Variants in ASB5 observed in about 807,000 individuals in gnomAD.
The protein encoded by ASB5 is ankyrin repeat and SOCS box protein 5.
Under a neutral mutation model 42.1 loss-of-function variants are expected in ASB5, and 45 were observed. That is an observed-to-expected ratio of 1.07 (90% confidence interval 0.84 to 1.37). ASB5 has a LOEUF of 1.37. Among genes scored for constraint, ASB5 ranks in the 40% most tolerant of loss-of-function variants. ASB5 has a pLI of 0.00. For synonymous variants in ASB5, 147 were observed against 150.6 expected (o/e 0.98, Z 0.18); for missense variants, 402 against 399.8 (o/e 1.01, Z -0.05).
At chr4:176,269,589 C>T (rs1020597244), upstream of ASB5, among the ~76,000 whole-genome samples, 3 of 152,082 alleles carry the variant, frequency 2.0e-5, no homozygotes, top group Non-Finnish European at 4.4e-5. Context: ...CAGTCCATGG[C>T]TTGTATTTTA....
intron 1 of ASB5, among the ~76,000 whole-genome samples, chr4:176,245,156 G>C (rs1348755501): frequency 6.6e-6 from 1 of 152,122 alleles, no homozygotes; most frequent in African/African-American, 2.4e-5. Flanking sequence ...TATTGACAAA[G>C]GGCTAATATC....
intron 1 of ASB5, among the ~76,000 whole-genome samples, chr4:176,238,874 T>C (rs546456399): frequency 2.6e-5 from 4 of 152,344 alleles, no homozygotes; most frequent in African/African-American, 9.6e-5. Flanking sequence ...TATCTTTTCC[T>C]TATCTTCAAT....
chr4:176,270,198 G>T (rs1479355322), upstream of ASB5, among the ~76,000 whole-genome samples: 7 of 152,172 alleles, frequency 4.6e-5, no homozygotes, highest in African/African-American at 1.7e-4. Flanking sequence ...ATTTCTTACA[G>T]GGAGCTTAGT....
intron 1 of ASB5, among the ~76,000 whole-genome samples, chr4:176,243,815 A>T (rs995541927): frequency 5.3e-5 from 8 of 152,100 alleles, no homozygotes; most frequent in Admixed American, 4.6e-4. Flanking sequence ...TTTTTCCCTT[A>T]AAGTCTTATT....
intron 5 of ASB5, among the ~76,000 whole-genome samples, chr4:176,219,741 A>G (rs1211050117): frequency 6.7e-6 from 1 of 150,146 alleles, no homozygotes; most frequent in Non-Finnish European, 1.5e-5. Context: ...TAATTTTTGT[A>G]TTTTTAATAG....
intron 1 of ASB5, among the ~76,000 whole-genome samples, chr4:176,240,043 G>A (rs566664119): frequency 5.9e-5 from 9 of 152,266 alleles, no homozygotes; most frequent in Admixed American, 5.9e-4. Context: ...GAGTGAACGC[G>A]TTAGGGACAG....
At position 176,216,980 on chromosome 4, in the gene ASB5, C is replaced by T. The variant is rs1752988947; in HGVS notation, c.700G>A (p.Asp234Asn). Residue 234 changes from aspartate to asparagine, a missense_variant, in exon 6 of 7, where the codon GAT (aspartate) becomes AAT (asparagine). Transcript: ENST00000296525. ...GADVQKGKYW[D>N]TPLHAAAQQS... ...TGAGCAGCAGCATGTAATGGAGTAT[C>T]CCAATATTTGCCTTTCTGTACGTCA... 2 of 1,610,348 alleles carry T rather than the reference C, an allele frequency of 1.2e-6. No homozygotes were observed. Among genetic ancestry groups the T allele is most frequent in the Non-Finnish European group, 1.7e-6 (2 of 1,178,932 alleles).
In ASB5 at chr4:176,243,652, G is replaced by A. The variant is rs566260872; in HGVS notation, c.197-18311C>T. ...TGAGTAGCTGGTATTACAGGCATGCGCCACTATGCCTGGCTAATTTTTTGT... is the reference window on the plus strand; with the variant it reads ...TGAGTAGCTGGTATTACAGGCATGCACCACTATGCCTGGCTAATTTTTTGT... On this transcript the variant is annotated intron_variant, in intron 1 of 6. Transcript: ENST00000296525. Among the ~76,000 whole-genome samples the A allele has an allele frequency of 5.3e-5, 8 of 151,918 alleles. No homozygotes were observed. The South Asian group carries it at 6.2e-4, about 12-fold the overall frequency.
chr4:176,242,965 A>G (rs1753840079), intron 1 of ASB5, among the ~76,000 whole-genome samples: 1 of 152,206 alleles, frequency 6.6e-6, no homozygotes, highest in Non-Finnish European at 1.5e-5. Flanking sequence ...TTAGCCTATC[A>G]TCTGTTTTTG....
intron 1 of ASB5, among the ~76,000 whole-genome samples, chr4:176,251,832 C>T (rs1579330188): frequency 2.6e-5 from 4 of 151,258 alleles, no homozygotes; most frequent in South Asian, 2.1e-4. Flanking sequence ...TAGGCGGAGG[C>T]GGGAGGATCA....
At chr4:176,232,263 C>A (rs1051598492) in intron 1 of ASB5, among the ~76,000 whole-genome samples, 13 of 151,864 alleles carry the variant, frequency 8.6e-5, no homozygotes, top group African/African-American at 3.1e-4. Context: ...GCTAGGATTA[C>A]AGACATGTGC....
upstream of ASB5, among the ~76,000 whole-genome samples, chr4:176,272,187 G>A (rs1754481631): frequency 6.6e-6 from 1 of 152,184 alleles, no homozygotes; most frequent in Non-Finnish European, 1.5e-5. Flanking sequence ...ACAACAGAAA[G>A]TCAAGTAAGG....
intron 1 of ASB5, among the ~76,000 whole-genome samples, chr4:176,254,333 T>C (rs1049151193): frequency 3.3e-5 from 5 of 152,154 alleles, no homozygotes; most frequent in Non-Finnish European, 7.4e-5. Flanking sequence ...ATTCAATAAA[T>C]GATTCTGGAA....
intron 1 of ASB5, among the ~76,000 whole-genome samples, chr4:176,235,963 C>A (rs943801257): frequency 7.9e-5 from 12 of 152,054 alleles, no homozygotes; most frequent in African/African-American, 2.7e-4. Flanking sequence ...AATCCTCCTG[C>A]CTCAGCCTTC....
chr4:176,216,805 G>T lies in ASB5; in HGVS notation c.862+13C>A. ...ATTTTGTTTTTGTAAGTTTCCACAT[G>T]TATTTTTCTTACCTTCATGTTGAAG... On this transcript the variant is annotated intron_variant, in intron 6 of 6. Transcript: ENST00000296525. 6.5e-7 allele frequency: 1 copy of T among 1,534,168 alleles called. No homozygotes were observed. The highest frequency in any genetic ancestry group is 8.8e-7 in the Non-Finnish European group (1 of 1,142,388).
At chr4:176,247,098 C>A (rs1287554941) in intron 1 of ASB5, among the ~76,000 whole-genome samples, 2 of 151,986 alleles carry the variant, frequency 1.3e-5, no homozygotes, top group Admixed American at 1.3e-4. Context: ...TTTATGGTAG[C>A]ATAAAACAAT....
intron 1 of ASB5, among the ~76,000 whole-genome samples, chr4:176,267,202 G>A (rs934761749): frequency 2.3e-4 from 35 of 152,150 alleles, no homozygotes; most frequent in African/African-American, 5.1e-4. Flanking sequence ...CTGTTTACTC[G>A]TGTATCTGCA....
chr4:176,218,643 A>G (rs1753063282), intron 5 of ASB5, among the ~76,000 whole-genome samples: 1 of 92,616 alleles, frequency 1.1e-5, no homozygotes, highest in African/African-American at 4.2e-5. Context: ...TATGATATAT[A>G]AATATATATA....
At chr4:176,233,719 A>T (rs1053315921) in intron 1 of ASB5, among the ~76,000 whole-genome samples, 1 of 152,044 alleles carries the variant, frequency 6.6e-6, no homozygotes, top group African/African-American at 2.4e-5. Context: ...CTTTGCATCT[A>T]TCTACATTAA....
Sources: allele counts gnomAD v4.1 joint callset (sites outside exome capture counted in the v4.1 genomes callset), GRCh38; gene constraint gnomAD v4.1.1; transcripts MANE v1.5; gene names NCBI Gene and HGNC (gene_info 2026-07-23, HGNC 2026-07-21).